The following KCNQ1 variants were observed in gnomAD, a reference collection of about 807,000 sequenced individuals.
KCNQ1 encodes potassium voltage-gated channel subfamily KQT member 1.
KCNQ1 carries 49 observed loss-of-function variants against 72.4 expected under a neutral mutation model. That is an observed-to-expected ratio of 0.68 (90% confidence interval 0.54 to 0.86). The LOEUF (loss-of-function observed/expected upper bound fraction) is 0.86. Ranked by LOEUF, KCNQ1 falls within the 40% of genes least tolerant of loss-of-function variation. KCNQ1 has a pLI of 0.00. For missense variants in KCNQ1, 790 were observed against 945.1 expected (o/e 0.84, Z 2.15); for synonymous variants, 450 against 412.6 (o/e 1.09, Z -1.10).
At chr11:2,688,446 A>G (rs1246654952) in intron 11 of KCNQ1, 20 of 398,570 alleles carry the variant, frequency 5.0e-5, no homozygotes, top group African/African-American at 8.2e-5. Context: ...CTGTGCCATC[A>G]CTATTTCACA....
At chr11:2,667,702 G>T (rs921820345) in intron 11 of KCNQ1, 2 of 398,800 alleles carry the variant, frequency 5.0e-6, no homozygotes, top group East Asian at 3.6e-5. Flanking sequence ...GACCTAGTCA[G>T]GAAGTCTGGA....
In KCNQ1 at chr11:2,824,568, C is replaced by A. The variant is rs189415957; in HGVS notation, c.1795-23199C>A. Among the ~76,000 whole-genome samples, 2 of 152,214 alleles carry A rather than the reference C, an allele frequency of 1.3e-5. No homozygotes were observed. Among genetic ancestry groups the A allele is most frequent in the East Asian group, 3.9e-4 (2 of 5,182 alleles). On this transcript the variant is annotated intron_variant, in intron 15 of 15. Coordinates refer to ENST00000155840, the MANE Select transcript of KCNQ1 (RefSeq NM_000218.3). This position sits in a 1 kb window ranked among gnomAD's most constrained non-coding sequence, Gnocchi z 5.9. ...GGGAGATTGGAGCTGAAAACAGAGG[C>A]TGCAACATGGAGGTGGTACCTGAAG...
intron 10 of KCNQ1, chr11:2,622,925 G>A: frequency 2.5e-6 from 1 of 398,590 alleles, no homozygotes. Flanking sequence ...CACTGTTGGG[G>A]TGTACATTCT....
At chr11:2,722,679 A>G (rs1845689364) in intron 11 of KCNQ1, among the ~76,000 whole-genome samples, 1 of 151,936 alleles carries the variant, frequency 6.6e-6, no homozygotes, top group East Asian at 1.9e-4. Context: ...TTCCCTTCTC[A>G]CGTGGTTGGG....
intron 15 of KCNQ1, among the ~76,000 whole-genome samples, chr11:2,779,920 T>A (rs1846790206): frequency 1.3e-5 from 2 of 152,092 alleles, no homozygotes. Flanking sequence ...TTTTCCGGAG[T>A]CCCTGATCCC....
chr11:2,645,498 A>G lies in KCNQ1; in HGVS notation c.1394-16463A>G. ...CCCTGCTGAATGCTCATGTTGGGGC[A>G]GCAGCAACTCTATTGCAGCCCTACT... is the stretch of plus-strand genomic sequence containing the variant. On this transcript the variant is annotated intron_variant, in intron 10 of 15. Transcript: ENST00000155840. The surrounding 1 kb of genome is among the most constrained non-coding windows in gnomAD (Gnocchi z 5.8). 4 of 398,706 alleles carry G rather than the reference A, an allele frequency of 1.0e-5. No individual in the cohort carries two copies. The highest frequency in any genetic ancestry group is 1.8e-5 in the Non-Finnish European group (4 of 226,158). 24.7% of individuals were successfully genotyped at this position (398,706 alleles called of 1,614,324 possible).
At position 2,645,883 on chromosome 11, in the gene KCNQ1, C is replaced by A. The variant is rs191657262; in HGVS notation, c.1394-16078C>A. The A allele has an allele frequency of 2.5e-5, 10 of 398,648 alleles. No homozygotes were observed. In the East Asian group the frequency reaches 3.6e-4, roughly 14 times the overall value. 24.7% of individuals were successfully genotyped at this position (398,648 alleles called of 1,614,324 possible). ...TGCCTGAGGATTCAGGGTGATCTCC[C>A]TCTCTGGGAGCTGTTCATTGCCATT... On this transcript the variant is annotated intron_variant, in intron 10 of 15. Transcript: ENST00000155840. This position sits in a 1 kb window ranked among gnomAD's most constrained non-coding sequence, Gnocchi z 5.8.
At chr11:2,455,870 A>G (rs928299453) in intron 1 of KCNQ1, among the ~76,000 whole-genome samples, 1 of 152,260 alleles carries the variant, frequency 6.6e-6, no homozygotes, top group African/African-American at 2.4e-5. Context: ...GGAACAGAAT[A>G]GAGAACTCAG....
At chr11:2,779,447 T>A (rs978030861) in intron 15 of KCNQ1, among the ~76,000 whole-genome samples, 1 of 151,560 alleles carries the variant, frequency 6.6e-6, no homozygotes. Flanking sequence ...TTCCCCAGCC[T>A]CCACTCCTGC....
In KCNQ1 at chr11:2,691,132, G is replaced by A. The variant is rs1731243761; in HGVS notation, c.1514+29051G>A. 7.5e-6 allele frequency: 3 copies of A among 398,562 alleles called. No individual in the cohort carries two copies. Among genetic ancestry groups the A allele is most frequent in the African/African-American group, 2.1e-5 (1 of 48,636 alleles). 24.7% of individuals were successfully genotyped at this position (398,562 alleles called of 1,614,324 possible). A position where few individuals can be genotyped will look rare whatever the true frequency, so the allele number is the denominator to read the frequency against. On this transcript the variant is annotated intron_variant, in intron 11 of 15. Coordinates refer to ENST00000155840, the MANE Select transcript of KCNQ1 (RefSeq NM_000218.3). This position sits in a 1 kb window ranked among gnomAD's most constrained non-coding sequence, Gnocchi z 6.4. ...GGGGTGGAGGCTGTGCAGACCTGGT[G>A]CAGAGTCTGTGCTGGCCTCTGGCCT...
rs978948114 is a variant in KCNQ1, at chr11:2,816,605, G to A, written c.1795-31162G>A. Among the ~76,000 whole-genome samples, 1 of 152,186 alleles carries A rather than the reference G, an allele frequency of 6.6e-6. No individual in the cohort carries two copies. The highest frequency in any genetic ancestry group is 1.5e-5 in the Non-Finnish European group (1 of 68,028). On this transcript the variant is annotated intron_variant, in intron 15 of 15. Transcript: ENST00000155840. This position sits in a 1 kb window ranked among gnomAD's most constrained non-coding sequence, Gnocchi z 6.8. The stretch of plus-strand genomic sequence containing the variant: ...CACCACATATGATGAGGGGCTGGAG[G>A]CAGCAGAAAGGGGGCTATAGGACCC...
At chr11:2,504,735 T>C (rs1197740298) in intron 1 of KCNQ1, among the ~76,000 whole-genome samples, 2 of 152,170 alleles carry the variant, frequency 1.3e-5, no homozygotes, top group Non-Finnish European at 2.9e-5. Flanking sequence ...CCAGCCTGGG[T>C]AACAGAGTGA....
rs755825015 is a variant in KCNQ1, at chr11:2,477,019, T to C, written c.386+31535T>C. Among the ~76,000 whole-genome samples, 7 of 152,204 alleles carry C rather than the reference T, an allele frequency of 4.6e-5. No homozygotes were observed. The highest frequency in any genetic ancestry group is 2.6e-4 in the Admixed American group (4 of 15,282). ...TTTAATGTGACAGTACTTTGTAAAA[T>C]TGTACTCCAGTGAATTTGAAAAATG... On this transcript the variant is annotated intron_variant, in intron 1 of 15. Transcript: ENST00000155840. The surrounding 1 kb of genome is among the most constrained non-coding windows in gnomAD (Gnocchi z 5.0).
chr11:2,464,907 G>A lies in KCNQ1; in HGVS notation c.386+19423G>A, dbSNP rs1461271567. On this transcript the variant is annotated intron_variant, in intron 1 of 15. Transcript: ENST00000155840. This position sits in a 1 kb window ranked among gnomAD's most constrained non-coding sequence, Gnocchi z 5.0. ...GTTCAAAGTCCTCCTGCCCGAGGAA[G>A]TAAGACAGCAATCTCTGGGGTCCTG... 1.3e-5 allele frequency among the ~76,000 whole-genome samples: 2 copies of A among 152,210 alleles called. No individual in the cohort carries two copies. Among genetic ancestry groups the A allele is most frequent in the Non-Finnish European group, 2.9e-5 (2 of 68,044 alleles).
intron 15 of KCNQ1, among the ~76,000 whole-genome samples, chr11:2,834,361 A>T (rs1422328191): frequency 6.6e-6 from 1 of 152,072 alleles, no homozygotes; most frequent in Non-Finnish European, 1.5e-5. Flanking sequence ...GGGTGGGCAG[A>T]GCAGGAGGAA....
intron 15 of KCNQ1, among the ~76,000 whole-genome samples, chr11:2,806,900 C>T (rs551706663): frequency 6.6e-6 from 1 of 152,044 alleles, no homozygotes; most frequent in East Asian, 1.9e-4. Context: ...CTCAGGCCAG[C>T]CCGAGAGGGA....
Position 2,627,076 on chromosome 11 carries a change from T to C in KCNQ1, c.1394-34885T>C, listed in dbSNP as rs1292995780. On this transcript the variant is annotated intron_variant, in intron 10 of 15. Transcript: ENST00000155840. This position sits in a 1 kb window ranked among gnomAD's most constrained non-coding sequence, Gnocchi z 4.9. ...GAACATAGGAGGTGTTTTCCCTTTA[T>C]GTCTACTTTAATTTCTTTCAGCATT... 5.0e-6 allele frequency: 2 copies of C among 398,492 alleles called. No homozygotes were observed. The highest frequency in any genetic ancestry group is 8.8e-6 in the Non-Finnish European group (2 of 226,070). The allele number at this position is 398,492 out of a possible 1,614,324, so 24.7% of individuals were successfully genotyped here. A position where few individuals can be genotyped will look rare whatever the true frequency, so the allele number is the denominator to read the frequency against.
chr11:2,644,821 C>A (rs918770197), intron 10 of KCNQ1: 4 of 398,506 alleles, frequency 1.0e-5, no homozygotes, highest in Non-Finnish European at 1.8e-5. Context: ...GTAAACAGCA[C>A]CAGTAGTGTC....
intron 15 of KCNQ1, among the ~76,000 whole-genome samples, chr11:2,788,627 C>T (rs1846958356): frequency 6.6e-6 from 1 of 150,846 alleles, no homozygotes; most frequent in African/African-American, 2.4e-5. Flanking sequence ...CGTAAATAGG[C>T]AAAGGCGGGG....
Sources: gnomAD v4.1 joint callset for allele counts (sites outside exome capture counted in the v4.1 genomes callset) on GRCh38, gnomAD v4.1.1 for gene constraint, Gnocchi (gnomAD v3.1) non-coding constraint, MANE v1.5 for transcripts, NCBI Gene and HGNC (gene_info 2026-07-23, HGNC 2026-07-21) for gene names.